The following CAPN11 variants were observed in gnomAD, a reference collection of about 807,000 sequenced individuals.
CAPN11 encodes the protein calpain-11.
In CAPN11, 108 loss-of-function variants were observed where a neutral mutation model predicts 105.3. That is an observed-to-expected ratio of 1.03 (90% confidence interval 0.88 to 1.20). The LOEUF is 1.20. Among genes scored for constraint, CAPN11 ranks in the 50% most tolerant of loss-of-function variants. The pLI is 0.00. For missense variants in CAPN11, 883 were observed against 924.8 expected (o/e 0.95, Z 0.59); for synonymous variants, 329 against 344.5 (o/e 0.96, Z 0.50).
rs766780966 is a variant in CAPN11 at position 44,183,114 on chromosome 6, C to T, written c.2018-5C>T. 1.2e-6 allele frequency: 2 copies of T among 1,609,254 alleles called. No individual in the cohort carries two copies. Among genetic ancestry groups the T allele is most frequent in the South Asian group, 1.1e-5 (1 of 90,988 alleles). On this transcript the variant is annotated splice_polypyrimidine_tract_variant and splice_region_variant and intron_variant, in intron 20 of 22. Coordinates refer to ENST00000398776, the MANE Select transcript of CAPN11 (RefSeq NM_007058.4). ...CCCCTCCCCACTTCTCTCTCCCTCT[C>T]TCAGGCATCAAGCTGAACAACAAGG...
intron 1 of CAPN11, chr6:44,162,046 T>C: frequency 5.3e-6 from 2 of 378,946 alleles, no homozygotes; most frequent in South Asian, 3.8e-5. Flanking sequence ...TGCCAGTAGC[T>C]CCCCTGAGAC....
At chr6:44,177,501 T>C in intron 12 of CAPN11, 81 bp downstream of exon 12, 1 of 1,337,856 alleles carries the variant, frequency 7.5e-7, no homozygotes. Context: ...TCTTTTTTTT[T>C]TTTCGAGACA....
At chr6:44,169,863 G>T in intron 3 of CAPN11, 43 bp from the exon 4 acceptor site, 1 of 1,431,278 alleles carries the variant, frequency 7.0e-7, no homozygotes, top group Non-Finnish European at 9.7e-7. Context: ...AGGTGGGGAG[G>T]GGGTGTCCTG....
rs1376196767 is a variant in CAPN11, at chr6:44,184,101, A to G, written c.*169A>G. 1.5e-6 allele frequency: 1 copy of G among 667,434 alleles called. No individual in the cohort carries two copies. The highest frequency in any genetic ancestry group is 2.6e-6 in the Non-Finnish European group (1 of 390,260). 41.3% of individuals were successfully genotyped at this position (667,434 alleles called of 1,614,324 possible). A position where few individuals can be genotyped will look rare whatever the true frequency, so the allele number is the denominator to read the frequency against. On this transcript the variant is annotated 3_prime_UTR_variant, in exon 23 of 23. Transcript: ENST00000398776. ...GTGCCGTGTTTACTGCAGCAGTGGGACCTCCGTGCCCACTCCCCCAGCTCA... is the reference window on the plus strand; with the variant it reads ...GTGCCGTGTTTACTGCAGCAGTGGGGCCTCCGTGCCCACTCCCCCAGCTCA...
In CAPN11 at chr6:44,161,733, G is replaced by A. The variant is rs865784747; in HGVS notation, c.16+2869G>A. ...GATGGAACCTGAATTGCCTTGGCCT[G>A]CCCTCTGATGTTCTTTCAGTCTTCT... On this transcript the variant is annotated intron_variant, in intron 1 of 22. Transcript: ENST00000398776. 12 of 454,910 alleles carry A rather than the reference G, an allele frequency of 2.6e-5. No individual in the cohort carries two copies. In the Middle Eastern group the frequency reaches 3.0e-3, roughly 112 times the overall value. The allele number at this position is 454,910 out of a possible 1,614,324, so 28.2% of individuals were successfully genotyped here. A position where few individuals can be genotyped will look rare whatever the true frequency, so the allele number is the denominator to read the frequency against.
Position 44,177,420 on chromosome 6 carries a change from G to A in CAPN11, c.1416G>A (p.Ala472=), listed in dbSNP as rs565443873. The A allele has an allele frequency of 9.3e-6, 15 of 1,608,522 alleles. No individual in the cohort carries two copies. In the East Asian group the frequency reaches 1.3e-4, roughly 14 times the overall value. Reference sequence around the variant, plus strand: ...AGACCATTGGCTTTGTCCTCTACGCGGTGGGTGCCTGGCTGGTCTCGCCCG... The same window carrying A: ...AGACCATTGGCTTTGTCCTCTACGCAGTGGGTGCCTGGCTGGTCTCGCCCG... ...QLQTIGFVLY[A]VPKEFQNIQD... Residue 472 remains alanine, a splice_region_variant and synonymous_variant, in exon 12 of 23, where the codon GCG becomes GCA. Coordinates refer to ENST00000398776, the MANE Select transcript of CAPN11 (RefSeq NM_007058.4).
chr6:44,166,320 T>C (rs989675209), intron 1 of CAPN11, among the ~76,000 whole-genome samples: 3 of 152,090 alleles, frequency 2.0e-5, no homozygotes, highest in African/African-American at 7.2e-5. Flanking sequence ...TGGTCCAGGG[T>C]CTGCAGTACG....
chr6:44,171,934 C>T (rs1457308939), intron 4 of CAPN11, among the ~76,000 whole-genome samples: 4 of 152,048 alleles, frequency 2.6e-5, no homozygotes, highest in East Asian at 1.9e-4. Flanking sequence ...GGTGGGGTGG[C>T]GGGCGCCTGT....
chr6:44,163,697 C>CTAT (rs1769317503), intron 1 of CAPN11, among the ~76,000 whole-genome samples: 1 of 152,150 alleles, frequency 6.6e-6, no homozygotes, highest in Non-Finnish European at 1.5e-5. Context: ...ACGCTGCTAA[C>CTAT]TATTATTATT....
chr6:44,173,010 T>C lies in CAPN11; in HGVS notation c.599T>C (p.Val200Ala). Residue 200 changes from valine (V) to alanine (A), a missense_variant, in exon 6 of 23, where the codon GTG becomes GCG. Physicochemically the swap from Val to Ala is moderately conservative, Grantham distance 64. Coordinates refer to ENST00000398776, the MANE Select transcript of CAPN11 (RefSeq NM_007058.4). ...CTGCCCACAAAGAATGACAAGCTGG[T>C]GTTTGTGCACTCAACCGAACGCAGT... ...DRLPTKNDKL[V>A]FVHSTERSEF... 1 of 1,612,878 alleles carries C rather than the reference T, an allele frequency of 6.2e-7. No homozygotes were observed. The highest frequency in any genetic ancestry group is 8.5e-7 in the Non-Finnish European group (1 of 1,179,428).
Position 44,169,478 on chromosome 6 carries a change from G to A in CAPN11, c.286G>A (p.Asp96Asn). ...PAEPSSLGFK[D>N]LGPNSKNVQN... Reference sequence around the variant, plus strand: ...TGAACCCAGCTCACTGGGCTTCAAGGACCTGGGCCCCAACTCCAAAAATGT... The same window carrying A: ...TGAACCCAGCTCACTGGGCTTCAAGAACCTGGGCCCCAACTCCAAAAATGT... The change falls in exon 3 of 23, where the codon GAC (aspartate) becomes AAC (asparagine). Residue 96 changes from aspartate (D) to asparagine (N), a missense_variant. Transcript: ENST00000398776. 1 of 1,608,220 alleles carries A rather than the reference G, an allele frequency of 6.2e-7. No individual in the cohort carries two copies. Among genetic ancestry groups the A allele is most frequent in the East Asian group, 2.2e-5 (1 of 44,692 alleles).
intron 22 of CAPN11, 70 bp from the exon 23 acceptor site, chr6:44,183,836 T>G: frequency 2.8e-6 from 3 of 1,082,260 alleles, no homozygotes; most frequent in Non-Finnish European, 4.1e-6. Flanking sequence ...CCCACCCAGC[T>G]CTGATGTCCC....
At position 44,181,325 on chromosome 6, in the gene CAPN11, AG is replaced by A; in HGVS notation, c.1938+8del. The A allele has an allele frequency of 6.2e-7, 1 of 1,608,506 alleles. No individual in the cohort carries two copies. Among genetic ancestry groups the A allele is most frequent in the Non-Finnish European group, 8.5e-7 (1 of 1,177,194 alleles). On this transcript the variant is annotated splice_donor_region_variant and intron_variant, in intron 19 of 22. Coordinates refer to ENST00000398776, the MANE Select transcript of CAPN11 (RefSeq NM_007058.4). ...AAAAAACTCAAGAAATGGATGGTAA[AG>A]GGCACTAAAGGGGCAGCCTCCAGGG...
At chr6:44,159,380 G>A (rs1768293123) in intron 1 of CAPN11, among the ~76,000 whole-genome samples, 1 of 152,072 alleles carries the variant, frequency 6.6e-6, no homozygotes, top group Admixed American at 6.5e-5. Flanking sequence ...TCCAGGAGAT[G>A]GGGGAGAGTG....
intron 1 of CAPN11, among the ~76,000 whole-genome samples, chr6:44,160,384 G>T (rs12200733): frequency 0.13 from 20,129 of 152,254 alleles, 1,844 homozygotes; most frequent in Non-Finnish European, 0.2. Flanking sequence ...TTGGGAGGCC[G>T]TGGCGGGCAG....
At position 44,180,982 on chromosome 6, in the gene CAPN11, G is replaced by A. The variant is rs778378209; in HGVS notation, c.1854G>A (p.Met618Ile). Residue 618 changes from methionine to isoleucine, a missense_variant, in exon 18 of 23, where the codon ATG becomes ATA. Physicochemically the swap from Met to Ile is conservative, Grantham distance 10. Coordinates refer to ENST00000398776, the MANE Select transcript of CAPN11 (RefSeq NM_007058.4). ...TTGGCCTGGATGCTTGCCGCTGCAT[G>A]ATCAACCTCATGGATGTATCCTCCT... is the stretch of plus-strand genomic sequence containing the variant. Reference protein sequence around the residue: ...KGFGLDACRCMINLMDKDGSG... With the variant: ...KGFGLDACRCIINLMDKDGSG... 2 of 1,613,482 alleles carry A rather than the reference G, an allele frequency of 1.2e-6. No homozygotes were observed. The highest frequency in any genetic ancestry group is 1.7e-6 in the Non-Finnish European group (2 of 1,179,520).
intron 2 of CAPN11, among the ~76,000 whole-genome samples, chr6:44,168,693 G>A (rs918998750): frequency 2.6e-5 from 4 of 151,056 alleles, no homozygotes; most frequent in Non-Finnish European, 4.4e-5. Flanking sequence ...CATGATCTCA[G>A]CTCTGCACCT....
In CAPN11 at chr6:44,172,434, T is replaced by C; in HGVS notation, c.528+14T>C. 6.9e-7 allele frequency: 1 copy of C among 1,453,766 alleles called. No homozygotes were observed. Among genetic ancestry groups the C allele is most frequent in the Non-Finnish European group, 9.4e-7 (1 of 1,061,032 alleles). 90.1% of individuals were successfully genotyped at this position (1,453,766 alleles called of 1,614,324 possible). A position where few individuals can be genotyped will look rare whatever the true frequency, so the allele number is the denominator to read the frequency against. ...TTCCATTTTCAGGTGAAGGACAGTGTGAGAGCCACTGTGGCTTTGTTGGGG... is the reference window on the plus strand; with the variant it reads ...TTCCATTTTCAGGTGAAGGACAGTGCGAGAGCCACTGTGGCTTTGTTGGGG... On this transcript the variant is annotated intron_variant, in intron 5 of 22. Coordinates refer to ENST00000398776, the MANE Select transcript of CAPN11 (RefSeq NM_007058.4).
At chr6:44,182,591 T>A (rs993141205) in intron 19 of CAPN11, among the ~76,000 whole-genome samples, 20 of 152,010 alleles carry the variant, frequency 1.3e-4, no homozygotes, top group African/African-American at 4.8e-4. Flanking sequence ...TGTCCTAAAG[T>A]ATTTCTTTTT....
Sources: allele counts gnomAD v4.1 joint callset (sites outside exome capture counted in the v4.1 genomes callset), GRCh38; gene constraint gnomAD v4.1.1; transcripts MANE v1.5; gene names NCBI Gene and HGNC (gene_info 2026-07-23, HGNC 2026-07-21).